Variants in GRAMD2A observed in about 807,000 individuals in gnomAD.
GRAMD2A encodes the protein GRAM domain-containing protein 2A.
GRAMD2A carries 37 observed loss-of-function variants against 51.1 expected under a neutral mutation model. The ratio of observed to expected loss-of-function variants is 0.72; its 90% confidence interval spans 0.56 to 0.95. GRAMD2A has a LOEUF of 0.95. Among genes scored for constraint, GRAMD2A ranks in the 40% least tolerant of loss-of-function variants. The pLI, the probability that GRAMD2A is intolerant of heterozygous loss-of-function variation, is 0.00. For missense variants in GRAMD2A, 414 were observed against 426.9 expected (o/e 0.97, Z 0.27); for synonymous variants, 136 against 157.1 (o/e 0.87, Z 1.01).
intron 1 of GRAMD2A, among the ~76,000 whole-genome samples, chr15:72,194,588 T>C (rs1449602423): frequency 6.6e-6 from 1 of 152,222 alleles, no homozygotes; most frequent in African/African-American, 2.4e-5. Context: ...GTGGAGTTTT[T>C]ATCCAGAACT....
At chr15:72,179,188 G>A (rs2081678607) in intron 1 of GRAMD2A, among the ~76,000 whole-genome samples, 1 of 152,232 alleles carries the variant, frequency 6.6e-6, no homozygotes, top group African/African-American at 2.4e-5. Context: ...GATGAAGGGG[G>A]GATGTGGAGG....
rs2081556703 is a variant in GRAMD2A, at chr15:72,167,215, G to A, written c.373-123C>T. 6.8e-6 allele frequency: 5 copies of A among 733,414 alleles called. 1 individual carries two copies. The South Asian group carries it at 7.8e-5, about 11-fold the overall frequency. The allele number at this position is 733,414 out of a possible 1,614,324, so 45.4% of individuals were successfully genotyped here. ...CCATGGGGAAGCCTGGCCCCATGTG[G>A]GGAAGTCTCTGAACCTTCTACCTTT... On this transcript the variant is annotated intron_variant, in intron 5 of 11. Coordinates refer to ENST00000309731, the MANE Select transcript of GRAMD2A (RefSeq NM_001012642.3).
chr15:72,164,763 G>A (rs1567081158), intron 8 of GRAMD2A, among the ~76,000 whole-genome samples: 1 of 152,142 alleles, frequency 6.6e-6, no homozygotes, highest in African/African-American at 2.4e-5. Flanking sequence ...AAAAGAGGAT[G>A]GGCCACTGGT....
chr15:72,166,936 G>T lies in GRAMD2A; in HGVS notation c.471+58C>A. 1 of 1,342,020 alleles carries T rather than the reference G, an allele frequency of 7.5e-7. No individual in the cohort carries two copies. Among genetic ancestry groups the T allele is most frequent in the Admixed American group, 1.7e-5 (1 of 59,526 alleles). 83.1% of individuals were successfully genotyped at this position (1,342,020 alleles called of 1,614,324 possible). A position where few individuals can be genotyped will look rare whatever the true frequency, so the allele number is the denominator to read the frequency against. ...TGGGAATGTGCCCGAGTCAGACTGT[G>T]GGCTGTCAGGGCTGGGAGCGGGAGA... is the stretch of plus-strand genomic sequence containing the variant. On this transcript the variant is annotated intron_variant, in intron 6 of 11. Transcript: ENST00000309731. The surrounding 1 kb of genome is among the most constrained non-coding windows in gnomAD (Gnocchi z 4.1).
chr15:72,197,631 GTT>G, intron 1 of GRAMD2A, 98 bp downstream of exon 1: 1 of 996,648 alleles, frequency 1.0e-6, no homozygotes, highest in Non-Finnish European at 1.3e-6. Flanking sequence ...AACGCGCCGA[GTT>G]GCCGCGGCCC....
chr15:72,161,947 G>A lies in GRAMD2A; in HGVS notation c.*62C>T, dbSNP rs1329895308. 3 of 1,580,570 alleles carry A rather than the reference G, an allele frequency of 1.9e-6. No individual in the cohort carries two copies. Among genetic ancestry groups the A allele is most frequent in the Non-Finnish European group, 2.6e-6 (3 of 1,149,472 alleles). ...AGCATAAACCACAGGGATCATTGGTGGAGACTTAGCACCCAGAACATTCTT... is the reference window on the plus strand; with the variant it reads ...AGCATAAACCACAGGGATCATTGGTAGAGACTTAGCACCCAGAACATTCTT... On this transcript the variant is annotated 3_prime_UTR_variant, in exon 12 of 12. Transcript: ENST00000309731.
At chr15:72,181,261 T>G (rs1236848019) in intron 1 of GRAMD2A, among the ~76,000 whole-genome samples, 3 of 152,250 alleles carry the variant, frequency 2.0e-5, no homozygotes, top group Admixed American at 1.3e-4. Flanking sequence ...GTCATTATCT[T>G]AAAAGCAATG....
At position 72,166,369 on chromosome 15, in the gene GRAMD2A, GGTTCATGGGACATAA is replaced by G. The variant is rs2081544651; in HGVS notation, c.543+248_543+262del. Among the ~76,000 whole-genome samples the G allele has an allele frequency of 6.6e-6, 1 of 152,082 alleles. No individual in the cohort carries two copies. The highest frequency in any genetic ancestry group is 1.5e-5 in the Non-Finnish European group (1 of 68,010). On this transcript the variant is annotated intron_variant, in intron 7 of 11. Transcript: ENST00000309731. The surrounding 1 kb of genome is among the most constrained non-coding windows in gnomAD (Gnocchi z 4.1). ...CTTACGATATTTTCAACTTTTGATG[GGTTCATGGGACATAA>G]GCCCATGAACAAGGAGCATCTGTAT...
At chr15:72,169,605 CA>C in intron 2 of GRAMD2A, 1 of 684,740 alleles carries the variant, frequency 1.5e-6, no homozygotes, top group South Asian at 1.5e-5. Context: ...CAGGTTGGCC[CA>C]GAGCACAGGT....
chr15:72,161,218 G>A lies in GRAMD2A; in HGVS notation c.*791C>T, dbSNP rs569458584. On this transcript the variant is annotated 3_prime_UTR_variant, in exon 12 of 12. Transcript: ENST00000309731. The stretch of plus-strand genomic sequence containing the variant: ...GGGCAAAACCCAGTACCAGGTCTGT[G>A]ACCACAGTGATCAAAGGCCCTGCTC... The A allele has an allele frequency of 6.6e-6, 1 of 152,386 alleles. No homozygotes were observed. Among genetic ancestry groups the A allele is most frequent in the African/African-American group, 2.4e-5 (1 of 41,570 alleles). 9.4% of individuals were successfully genotyped at this position (152,386 alleles called of 1,614,324 possible).
intron 1 of GRAMD2A, chr15:72,173,787 G>A (rs2081631458): frequency 1.3e-5 from 2 of 151,892 alleles, no homozygotes; most frequent in East Asian, 1.9e-4. Flanking sequence ...AAATTAGCTG[G>A]GCATGGTGGC....
chr15:72,163,573 T>C (rs1323040688), intron 9 of GRAMD2A, 40 bp downstream of exon 9: 1 of 1,589,240 alleles, frequency 6.3e-7, no homozygotes, highest in Non-Finnish European at 8.6e-7. Context: ...AAGTCTGGCC[T>C]TTGCAAGTAG....
rs545601753 is a variant in GRAMD2A, at chr15:72,170,409, A to G, written c.42-470T>C. Reference sequence around the variant, plus strand: ...AGCACAGGAGGCCTTATCAAAGCTCAGGAGCTGATGCGCTGAAGGTGTGGG... The same window carrying G: ...AGCACAGGAGGCCTTATCAAAGCTCGGGAGCTGATGCGCTGAAGGTGTGGG... On this transcript the variant is annotated intron_variant, in intron 1 of 11. Coordinates refer to ENST00000309731, the MANE Select transcript of GRAMD2A (RefSeq NM_001012642.3). The surrounding 1 kb of genome is among the most constrained non-coding windows in gnomAD (Gnocchi z 4.5). 18 of 456,250 alleles carry G rather than the reference A, an allele frequency of 3.9e-5. No individual in the cohort carries two copies. Among genetic ancestry groups the G allele is most frequent in the African/African-American group, 3.2e-4 (16 of 50,190 alleles). The allele number at this position is 456,250 out of a possible 1,614,324, so 28.3% of individuals were successfully genotyped here.
intron 1 of GRAMD2A, among the ~76,000 whole-genome samples, chr15:72,180,308 C>T (rs1014790277): frequency 2.6e-5 from 4 of 152,244 alleles, no homozygotes; most frequent in East Asian, 3.9e-4. Flanking sequence ...CTGGCACCCC[C>T]GGGTCTGCTC....
In GRAMD2A at chr15:72,197,722, AC is replaced by A; in HGVS notation, c.41+8del. 1.5e-6 allele frequency: 2 copies of A among 1,324,866 alleles called. No homozygotes were observed. The highest frequency in any genetic ancestry group is 1.9e-6 in the Non-Finnish European group (2 of 1,031,936). The allele number at this position is 1,324,866 out of a possible 1,614,324, so 82.1% of individuals were successfully genotyped here. A position where few individuals can be genotyped will look rare whatever the true frequency, so the allele number is the denominator to read the frequency against. On this transcript the variant is annotated splice_region_variant and intron_variant, in intron 1 of 11. Transcript: ENST00000309731. ...CCCCGAGACCGGCCCCCGGGCCGCA[AC>A]CCCTTACCCGCCCTCCTCGGTGGCC...
At chr15:72,178,511 T>C (rs1392080445) in intron 1 of GRAMD2A, among the ~76,000 whole-genome samples, 1 of 151,486 alleles carries the variant, frequency 6.6e-6, no homozygotes, top group African/African-American at 2.4e-5. Flanking sequence ...AACTTGAAGA[T>C]AAAAGGTAAT....
chr15:72,179,208 C>T (rs900218313), intron 1 of GRAMD2A, among the ~76,000 whole-genome samples: 7 of 152,220 alleles, frequency 4.6e-5, no homozygotes, highest in African/African-American at 1.7e-4. Flanking sequence ...GGCCAGAGGC[C>T]TATCTTCCCA....
At chr15:72,177,662 G>A (rs891836038) in intron 1 of GRAMD2A, among the ~76,000 whole-genome samples, 2 of 152,258 alleles carry the variant, frequency 1.3e-5, no homozygotes, top group African/African-American at 4.8e-5. Flanking sequence ...GTGCATGCAA[G>A]TATTCACTTC....
intron 1 of GRAMD2A, among the ~76,000 whole-genome samples, chr15:72,178,858 G>A (rs1185502245): frequency 6.6e-6 from 1 of 151,918 alleles, no homozygotes; most frequent in African/African-American, 2.4e-5. Context: ...ACAGTTGTGA[G>A]CCACCCGGCC....
Sources: gnomAD v4.1 joint callset for allele counts (sites outside exome capture counted in the v4.1 genomes callset) on GRCh38, gnomAD v4.1.1 for gene constraint, Gnocchi (gnomAD v3.1) non-coding constraint, MANE v1.5 for transcripts, NCBI Gene and HGNC (gene_info 2026-07-23, HGNC 2026-07-21) for gene names.